The following SHISA9 variants were observed in gnomAD, a reference collection of about 807,000 sequenced individuals.
SHISA9 encodes shisa family member 9.
In SHISA9, 13 loss-of-function variants were observed where a neutral mutation model predicts 38.0. That is an observed-to-expected ratio of 0.34 (90% CI 0.22 to 0.54). The LOEUF is 0.54. Among genes scored for constraint, SHISA9 ranks in the 20% least tolerant of loss-of-function variants. The pLI, the probability that SHISA9 is intolerant of heterozygous loss-of-function variation, is 0.91. For missense variants in SHISA9, 538 were observed against 575.8 expected, an observed-to-expected ratio of 0.93 and a Z score of 0.67; for synonymous variants, 275 against 242.0, an observed-to-expected ratio of 1.14 and a Z score of -1.27.
chr16:13,104,432 A>G (rs921603891), intron 2 of SHISA9, among the ~76,000 whole-genome samples: 1 of 152,238 alleles, frequency 6.6e-6, no homozygotes, highest in African/African-American at 2.4e-5. Flanking sequence ...ATAATAGTCC[A>G]AAGTGGAAAC....
chr16:13,357,702 G>A, the SHISA9 span, among the ~76,000 whole-genome samples: 2,336 of 152,078 alleles, frequency 0.015, 69 homozygotes, highest in African/African-American at 0.054. Flanking sequence ...GGGTGGGGCC[G>A]TTTTATAGGA....
intron 2 of SHISA9, among the ~76,000 whole-genome samples, chr16:13,010,400 AGAGAAT>A (rs1206789997): frequency 3.3e-5 from 5 of 152,246 alleles, no homozygotes; most frequent in African/African-American, 1.2e-4. Context: ...TCTTAGACTT[AGAGAAT>A]CGTAGCTTCA....
At chr16:13,533,584 C>A in the SHISA9 span, among the ~76,000 whole-genome samples, 2 of 151,846 alleles carry the variant, frequency 1.3e-5, no homozygotes, top group Non-Finnish European at 2.9e-5. Flanking sequence ...AATACACAAG[C>A]CTCTGTGGGG....
At chr16:13,261,431 G>A in the SHISA9 span, among the ~76,000 whole-genome samples, 2 of 152,134 alleles carry the variant, frequency 1.3e-5, no homozygotes, top group African/African-American at 4.8e-5. Flanking sequence ...GCCAGACACT[G>A]ACATTAAGTG....
At chr16:13,490,940 T>C in the SHISA9 span, among the ~76,000 whole-genome samples, 1 of 152,242 alleles carries the variant, frequency 6.6e-6, no homozygotes, top group African/African-American at 2.4e-5. Context: ...TTTTAAGTTT[T>C]CCTGTGGAAG....
intron 2 of SHISA9, among the ~76,000 whole-genome samples, chr16:13,176,211 T>G (rs1306327905): frequency 6.6e-6 from 1 of 152,112 alleles, no homozygotes; most frequent in Admixed American, 6.6e-5. Context: ...GTATCTAGAT[T>G]TGGAGGGGGC....
At chr16:13,214,808 A>G (rs1190064410) in intron 4 of SHISA9, among the ~76,000 whole-genome samples, 1 of 152,168 alleles carries the variant, frequency 6.6e-6, no homozygotes, top group Non-Finnish European at 1.5e-5. Flanking sequence ...TCACTCTCAC[A>G]AGAACAGCAC....
At chr16:13,102,562 G>A (rs1183207080) in intron 2 of SHISA9, among the ~76,000 whole-genome samples, 1 of 152,128 alleles carries the variant, frequency 6.6e-6, no homozygotes, top group Non-Finnish European at 1.5e-5. Flanking sequence ...GCCTTCTTGG[G>A]CAACTTTATC....
intron 2 of SHISA9, among the ~76,000 whole-genome samples, chr16:13,005,919 C>A (rs1251413102): frequency 1.3e-5 from 2 of 152,178 alleles, no homozygotes; most frequent in Admixed American, 1.3e-4. Context: ...GGCATATGAG[C>A]AGGGGAAGGT....
Position 13,238,942 on chromosome 16 carries a change from G to A in SHISA9, c.*3533G>A, listed in dbSNP as rs1029697472. ...GCTGGTGTGCTGCACCCATTAACTC[G>A]TCATTTAGCATTAGCTATATCTCCT... On this transcript the variant is annotated 3_prime_UTR_variant, in exon 5 of 5. Coordinates refer to ENST00000558583, the MANE Select transcript of SHISA9 (RefSeq NM_001145204.3). 5 of 148,808 alleles carry A rather than the reference G, an allele frequency of 3.4e-5. No homozygotes were observed. The highest frequency in any genetic ancestry group is 5.9e-5 in the Non-Finnish European group (4 of 67,286). 9.2% of individuals were successfully genotyped at this position (148,808 alleles called of 1,614,324 possible).
chr16:13,534,468 G>T, the SHISA9 span, among the ~76,000 whole-genome samples: 1 of 152,056 alleles, frequency 6.6e-6, no homozygotes, highest in Non-Finnish European at 1.5e-5. Flanking sequence ...CAGGTGATCC[G>T]CCTGCCTTGG....
At chr16:13,019,484 ATT>A (rs2072797138) in intron 2 of SHISA9, among the ~76,000 whole-genome samples, 1 of 151,960 alleles carries the variant, frequency 6.6e-6, no homozygotes, top group African/African-American at 2.4e-5. Context: ...TTTTAAAAAA[ATT>A]ATTATTGTGG....
At chr16:13,277,409 G>T in the SHISA9 span, among the ~76,000 whole-genome samples, 1 of 151,484 alleles carries the variant, frequency 6.6e-6, no homozygotes, top group Non-Finnish European at 1.5e-5. Context: ...CTCTTTTTTG[G>T]TTCTATATAA....
chr16:13,469,358 G>A, the SHISA9 span, among the ~76,000 whole-genome samples: 19 of 67,556 alleles, frequency 2.8e-4, no homozygotes, highest in South Asian at 1.5e-3. Flanking sequence ...AAGAAAGAAA[G>A]AAAAGAAAAA....
At chr16:13,150,352 C>A (rs938472191) in intron 2 of SHISA9, among the ~76,000 whole-genome samples, 17 of 152,178 alleles carry the variant, frequency 1.1e-4, no homozygotes, top group Non-Finnish European at 2.9e-5. Flanking sequence ...CTGACACCCC[C>A]AGGCAGACTT....
At chr16:13,162,230 A>G (rs1325373354) in intron 2 of SHISA9, among the ~76,000 whole-genome samples, 1 of 152,174 alleles carries the variant, frequency 6.6e-6, no homozygotes, top group African/African-American at 2.4e-5. Flanking sequence ...TATTATTCTC[A>G]GGTTCTTTGG....
the SHISA9 span, among the ~76,000 whole-genome samples, chr16:13,282,530 A>C: frequency 1.3e-3 from 194 of 152,032 alleles, 1 homozygote; most frequent in African/African-American, 4.5e-3. Flanking sequence ...TATATTTATC[A>C]CACTTTTGTG....
chr16:13,244,359 C>A (rs1488427436), downstream of SHISA9, among the ~76,000 whole-genome samples: 1 of 152,054 alleles, frequency 6.6e-6, no homozygotes, highest in African/African-American at 2.4e-5. Context: ...CCTCTGCCAC[C>A]CCTGAGACAG....
intron 2 of SHISA9, among the ~76,000 whole-genome samples, chr16:12,925,938 C>T (rs1395413791): frequency 6.6e-6 from 1 of 152,126 alleles, no homozygotes; most frequent in African/African-American, 2.4e-5. Flanking sequence ...GTTGGCCAGG[C>T]TGGTCTTGAA....
Sources: gnomAD v4.1 joint callset for allele counts (sites outside exome capture counted in the v4.1 genomes callset) on GRCh38, gnomAD v4.1.1 for gene constraint, MANE v1.5 for transcripts, NCBI Gene and HGNC (gene_info 2026-07-23, HGNC 2026-07-21) for gene names.